Variants in ERMAP observed in about 807,000 individuals in gnomAD.
ERMAP encodes erythroid membrane-associated protein.
A neutral mutation model predicts 49.5 loss-of-function variants in ERMAP; 34 were observed. The observed-to-expected ratio is 0.69, with a 90% confidence interval of 0.52 to 0.91. ERMAP has a LOEUF of 0.91. Ranked by LOEUF, ERMAP falls within the 40% of genes least tolerant of loss-of-function variation. The pLI is 0.00. For synonymous variants in ERMAP, 214 were observed against 232.2 expected, an observed-to-expected ratio of 0.92 and a Z score of 0.71; for missense variants, 541 against 582.6, an observed-to-expected ratio of 0.93 and a Z score of 0.74.
rs1655160020 is a variant in ERMAP, at chr1:42,844,562, T to C, written c.*1330T>C. The C allele has an allele frequency of 6.5e-6, 1 of 153,760 alleles. No homozygotes were observed. The highest frequency in any genetic ancestry group is 2.1e-4 in the South Asian group (1 of 4,840). The allele number at this position is 153,760 out of a possible 1,614,324, so 9.5% of individuals were successfully genotyped here. On this transcript the variant is annotated 3_prime_UTR_variant, in exon 12 of 12. Coordinates refer to ENST00000372517, the MANE Select transcript of ERMAP (RefSeq NM_001017922.2). The surrounding 1 kb of genome is among the most constrained non-coding windows in gnomAD (Gnocchi z 4.0). ...AGATCTGCAGGATAAGTCAGCAAGA[T>C]GGAGTCCCATGAGAGCTGATGGTTT...
At chr1:42,817,334 G>C (rs897499940) in intron 1 of ERMAP, 81 bp downstream of exon 1, 14 of 1,023,780 alleles carry the variant, frequency 1.4e-5, no homozygotes, top group Non-Finnish European at 1.6e-5. Context: ...CGCGCGCCGG[G>C]GGGAGGGGCG....
intron 1 of ERMAP, 55 bp from the exon 2 acceptor site, chr1:42,825,568 G>A (rs1654518098): frequency 1.6e-6 from 2 of 1,250,178 alleles, no homozygotes; most frequent in Admixed American, 5.1e-5. Flanking sequence ...GGCAGAGAGA[G>A]CCCTGGCCTC....
chr1:42,825,581 A>T (rs1654518265), intron 1 of ERMAP, 42 bp from the exon 2 acceptor site: 1 of 1,265,884 alleles, frequency 7.9e-7, no homozygotes, highest in Non-Finnish European at 1.0e-6. Flanking sequence ...CTGGCCTCTC[A>T]TATTTCATAA....
chr1:42,823,647 C>T (rs1427460031), intron 1 of ERMAP, among the ~76,000 whole-genome samples: 1 of 152,140 alleles, frequency 6.6e-6, no homozygotes, highest in African/African-American at 2.4e-5. Context: ...ATGAGTCAAG[C>T]GATTACTTCA....
chr1:42,818,769 C>CT (rs2124269968), intron 1 of ERMAP, among the ~76,000 whole-genome samples: 1 of 152,276 alleles, frequency 6.6e-6, no homozygotes, highest in South Asian at 2.1e-4. Flanking sequence ...TTGCGCCCAG[C>CT]TTTTCCAAAA....
chr1:42,830,757 T>G lies in ERMAP; in HGVS notation c.86-11T>G, dbSNP rs1654699046. On this transcript the variant is annotated splice_polypyrimidine_tract_variant and intron_variant, in intron 3 of 11. Transcript: ENST00000372517. ...TCCCTCCCAGTTGGCCTTGTCTCTT[T>G]TTTTGTCCAGGCCACGCAGGGGATG... is the stretch of plus-strand genomic sequence containing the variant. The G allele has an allele frequency of 1.3e-6, 2 of 1,518,814 alleles. No homozygotes were observed. Among genetic ancestry groups the G allele is most frequent in the African/African-American group, 2.8e-5 (2 of 72,192 alleles). The allele number at this position is 1,518,814 out of a possible 1,614,324, so 94.1% of individuals were successfully genotyped here.
At position 42,843,068 on chromosome 1, in the gene ERMAP, A is replaced by G. The variant is rs1655113749; in HGVS notation, c.1264A>G (p.Ile422Val). The G allele has an allele frequency of 6.2e-7, 1 of 1,614,202 alleles. No individual in the cohort carries two copies. The highest frequency in any genetic ancestry group is 1.7e-5 in the Admixed American group (1 of 60,016). The change falls in exon 12 of 12, where the codon ATT becomes GTT. Residue 422 changes from isoleucine to valine, a missense_variant. By Grantham distance (29) the Ile-to-Val change is conservative. Coordinates refer to ENST00000372517, the MANE Select transcript of ERMAP (RefSeq NM_001017922.2). The part of the protein sequence containing the change: ...CSELHKSEES[I>V]VPRPEGKGHA... ...AGAACTACACAAATCAGAGGAATCA[A>G]TTGTCCCCAGGCCAGAAGGGAAAGG...
At chr1:42,825,426 T>A in intron 1 of ERMAP, 197 bp from the exon 2 acceptor site, 1 of 1,098,232 alleles carries the variant, frequency 9.1e-7, no homozygotes, top group Non-Finnish European at 1.1e-6. Flanking sequence ...ACGTGCCTCC[T>A]ACCCGGTCAG....
intron 1 of ERMAP, 87 bp downstream of exon 1, chr1:42,817,340 G>A (rs1234925615): frequency 3.3e-6 from 3 of 917,798 alleles, no homozygotes; most frequent in Non-Finnish European, 4.1e-6. Flanking sequence ...CCGGGGGGAG[G>A]GGCGCAGGGC....
intron 1 of ERMAP, among the ~76,000 whole-genome samples, chr1:42,821,850 A>T (rs117640511): frequency 6.6e-6 from 1 of 152,088 alleles, no homozygotes; most frequent in East Asian, 1.9e-4. Context: ...ATCTCTACAA[A>T]AAAATTTTTA....
chr1:42,836,608 C>A (rs1489338134), intron 6 of ERMAP, among the ~76,000 whole-genome samples: 1 of 152,150 alleles, frequency 6.6e-6, no homozygotes, highest in Non-Finnish European at 1.5e-5. Flanking sequence ...GTAATCCTAG[C>A]ACTTTGGGAG....
At chr1:42,842,421 T>C (rs1386162151) in intron 11 of ERMAP, 96 bp from the exon 12 acceptor site, 4 of 1,096,100 alleles carry the variant, frequency 3.6e-6, no homozygotes, top group Non-Finnish European at 5.2e-6. Context: ...CTAATGACAG[T>C]GATGGCAGAC....
chr1:42,843,418 A>G lies in ERMAP; in HGVS notation c.*186A>G. On this transcript the variant is annotated 3_prime_UTR_variant, in exon 12 of 12. Transcript: ENST00000372517. Reference sequence around the variant, plus strand: ...CTGAAGCTTACCTTTCTTCTAAGGAATTGAAGCTCCCAGTGACCTGGAGGG... The same window carrying G: ...CTGAAGCTTACCTTTCTTCTAAGGAGTTGAAGCTCCCAGTGACCTGGAGGG... The G allele has an allele frequency of 2.0e-6, 1 of 506,546 alleles. No individual in the cohort carries two copies. Among genetic ancestry groups the G allele is most frequent in the Non-Finnish European group, 3.4e-6 (1 of 292,202 alleles). 31.4% of individuals were successfully genotyped at this position (506,546 alleles called of 1,614,324 possible). A position where few individuals can be genotyped will look rare whatever the true frequency, so the allele number is the denominator to read the frequency against.
At position 42,825,616 on chromosome 1, in the gene ERMAP, T is replaced by TC. The variant is rs2124292877; in HGVS notation, c.-121-4dup. 7.8e-7 allele frequency: 1 copy of TC among 1,287,550 alleles called. No homozygotes were observed. Among genetic ancestry groups the TC allele is most frequent in the African/African-American group, 1.5e-5 (1 of 65,872 alleles). The allele number at this position is 1,287,550 out of a possible 1,614,324, so 79.8% of individuals were successfully genotyped here. On this transcript the variant is annotated splice_polypyrimidine_tract_variant and splice_region_variant and intron_variant, in intron 1 of 11. Transcript: ENST00000372517. ...AAATATGAACTTTTCCCGGCCCACATCCCTAGGCCTTCCTGATGCGCTTGC... is the reference window on the plus strand; with the variant it reads ...AAATATGAACTTTTCCCGGCCCACATCCCCTAGGCCTTCCTGATGCGCTTGC...
intron 7 of ERMAP, 87 bp downstream of exon 7, chr1:42,837,277 CTATTT>C: frequency 7.2e-7 from 1 of 1,396,448 alleles, no homozygotes; most frequent in Non-Finnish European, 1.0e-6. Context: ...TATTATAAGT[CTATTT>C]TTATAATACT....
chr1:42,822,754 C>T (rs978582406), intron 1 of ERMAP, among the ~76,000 whole-genome samples: 2 of 152,168 alleles, frequency 1.3e-5, no homozygotes, highest in East Asian at 3.8e-4. Context: ...TTGAACAAAT[C>T]TCTCCCTATC....
chr1:42,824,360 A>T (rs1654484158), intron 1 of ERMAP: 1 of 152,054 alleles, frequency 6.6e-6, no homozygotes, highest in South Asian at 2.1e-4. Flanking sequence ...AAAAAAAAAA[A>T]GAATGTTCAG....
At chr1:42,830,626 G>A in intron 3 of ERMAP, 93 bp downstream of exon 3, 1 of 1,503,566 alleles carries the variant, frequency 6.7e-7, no homozygotes. Flanking sequence ...ATGTCTTTTG[G>A]GGTTCTGTTC....
intron 9 of ERMAP, 28 bp downstream of exon 9, chr1:42,840,081 C>T (rs368995570): frequency 1.2e-5 from 19 of 1,614,020 alleles, no homozygotes; most frequent in African/African-American, 1.1e-4. Flanking sequence ...TTGTAACTTC[C>T]GTACCAACTT....
Sources: allele counts gnomAD v4.1 joint callset (sites outside exome capture counted in the v4.1 genomes callset), GRCh38; gene constraint gnomAD v4.1.1; non-coding constraint Gnocchi (gnomAD v3.1); transcripts MANE v1.5; gene names NCBI Gene and HGNC (gene_info 2026-07-23, HGNC 2026-07-21).